Variants in SLC2A5 observed in about 807,000 individuals in gnomAD.
SLC2A5 encodes solute carrier family 2, facilitated glucose transporter member 5.
SLC2A5 carries 56 observed loss-of-function variants against 50.3 expected under a neutral mutation model. The observed-to-expected ratio is 1.11, with a 90% CI of 0.90 to 1.39. SLC2A5 has a LOEUF of 1.39. Ranked by LOEUF, SLC2A5 falls within the 40% of genes most tolerant of loss-of-function variation. SLC2A5 has a pLI of 0.00. For missense variants in SLC2A5, 566 were observed against 650.1 expected (o/e 0.87, Z 1.41); for synonymous variants, 269 against 281.9 (o/e 0.95, Z 0.46).
Position 9,035,366 on chromosome 1 carries a change from T to C in SLC2A5, c.*2220A>G, listed in dbSNP as rs1321058307. ...CTCTGAGAGCCTTCATCTTTGGTTGTTTCTGTGCCCCTTCCAGGCTGCAGA... is the reference window on the plus strand; with the variant it reads ...CTCTGAGAGCCTTCATCTTTGGTTGCTTCTGTGCCCCTTCCAGGCTGCAGA... On this transcript the variant is annotated 3_prime_UTR_variant, in exon 12 of 12. Coordinates refer to ENST00000377424, the MANE Select transcript of SLC2A5 (RefSeq NM_003039.3). 1.3e-5 allele frequency: 2 copies of C among 152,280 alleles called. No individual in the cohort carries two copies. Among genetic ancestry groups the C allele is most frequent in the Non-Finnish European group, 2.9e-5 (2 of 68,082 alleles). 9.4% of individuals were successfully genotyped at this position (152,280 alleles called of 1,614,324 possible).
chr1:9,092,897 T>C (rs548922625), upstream of SLC2A5, among the ~76,000 whole-genome samples: 3 of 152,228 alleles, frequency 2.0e-5, no homozygotes, highest in African/African-American at 7.2e-5. Context: ...AGGTACTCAC[T>C]CCAGACACAT....
At chr1:9,051,636 C>T (rs1641580074) in intron 3 of SLC2A5, among the ~76,000 whole-genome samples, 1 of 152,130 alleles carries the variant, frequency 6.6e-6, no homozygotes, top group African/African-American at 2.4e-5. Flanking sequence ...TCTGACAACA[C>T]CAAATGCTGG....
intron 2 of SLC2A5, among the ~76,000 whole-genome samples, chr1:9,080,692 T>C (rs2124477915): frequency 6.6e-6 from 1 of 152,302 alleles, no homozygotes; most frequent in South Asian, 2.1e-4. Context: ...CCACAGAAAA[T>C]GAGACCAGGC....
chr1:9,087,645 G>C (rs1642416707), intron 1 of SLC2A5, among the ~76,000 whole-genome samples: 2 of 152,116 alleles, frequency 1.3e-5, no homozygotes, highest in South Asian at 4.1e-4. Flanking sequence ...AGAGCCTCTG[G>C]ACAGCCGCCC....
rs951133650 is a variant in SLC2A5 at position 9,040,209 on chromosome 1, C to T, written c.572-20G>A. The T allele has an allele frequency of 1.9e-6, 3 of 1,543,376 alleles. No homozygotes were observed. The highest frequency in any genetic ancestry group is 2.4e-5 in the South Asian group (2 of 83,838). On this transcript the variant is annotated intron_variant, in intron 5 of 11. Coordinates refer to ENST00000377424, the MANE Select transcript of SLC2A5 (RefSeq NM_003039.3). This position sits in a 1 kb window ranked among gnomAD's most constrained non-coding sequence, Gnocchi z 4.3. ...GCCAGCCTGGGAGGAAGGCAGCGAG[C>T]TGGCACCAGCGGCCTCCCCACCACC...
At position 9,039,955 on chromosome 1, in the gene SLC2A5, CCA is replaced by C; in HGVS notation, c.728_729del (p.Val243GlyfsTer12). 6.2e-7 allele frequency: 1 copy of C among 1,612,710 alleles called. No individual in the cohort carries two copies. The highest frequency in any genetic ancestry group is 1.7e-4 in the Middle Eastern group (1 of 6,060). On this transcript the variant is annotated frameshift_variant, in exon 7 of 12. Coordinates refer to ENST00000377424, the MANE Select transcript of SLC2A5 (RefSeq NM_003039.3). LOFTEE classifies it high-confidence loss of function. ...TGCCGGATCTCGGCCACCTCCCTGT[CCA>C]CAGAGTCCCAGCCGCGCAGCGTCTG... ...ALQTLRGWDS[V>X]DREVAEIRQE...
upstream of SLC2A5, among the ~76,000 whole-genome samples, chr1:9,092,752 C>T (rs1036098642): frequency 6.6e-5 from 10 of 152,096 alleles, no homozygotes; most frequent in Admixed American, 1.3e-4. Context: ...TGATAATGGT[C>T]CTGAATCCAT....
At chr1:9,088,211 C>A (rs1450685394) in intron 1 of SLC2A5, among the ~76,000 whole-genome samples, 1 of 151,858 alleles carries the variant, frequency 6.6e-6, no homozygotes, top group Non-Finnish European at 1.5e-5. Flanking sequence ...CCTCTGGAAC[C>A]CCTCCTCTGA....
At chr1:9,048,985 T>C (rs928030580) in intron 3 of SLC2A5, 2 of 363,560 alleles carry the variant, frequency 5.5e-6, no homozygotes, top group African/African-American at 4.3e-5. Context: ...CTTAACAAAC[T>C]ATAAATAGAA....
intron 1 of SLC2A5, among the ~76,000 whole-genome samples, chr1:9,087,256 G>C (rs1642412344): frequency 6.6e-6 from 1 of 150,718 alleles, no homozygotes; most frequent in East Asian, 2.0e-4. Flanking sequence ...CCAGGCTGGA[G>C]TGCAGTGGTG....
chr1:9,060,792 T>C (rs1396043593), intron 1 of SLC2A5, among the ~76,000 whole-genome samples: 1 of 151,892 alleles, frequency 6.6e-6, no homozygotes, highest in Non-Finnish European at 1.5e-5. Flanking sequence ...ATTCATTCAT[T>C]CACTCGTCTA....
intron 3 of SLC2A5, among the ~76,000 whole-genome samples, chr1:9,053,203 T>TTATATTTATATATTATATATTTATATTA (rs1557670034): frequency 5.4e-5 from 4 of 74,224 alleles, no homozygotes; most frequent in Admixed American, 2.4e-4. Flanking sequence ...TATTTATATA[T>TTATATTTATATATTATATATTTATATTA]TATATTTATA....
chr1:9,088,681 G>T (rs1296067950), upstream of SLC2A5, among the ~76,000 whole-genome samples: 1 of 152,208 alleles, frequency 6.6e-6, no homozygotes, highest in Admixed American at 6.5e-5. Flanking sequence ...TACTCAGGAG[G>T]CTGAGGCAGG....
Position 9,038,163 on chromosome 1 carries a change from G to C in SLC2A5, c.1175-139C>G, listed in dbSNP as rs560723551. 107 of 1,009,210 alleles carry C rather than the reference G, an allele frequency of 1.1e-4. No homozygotes were observed. In the African/African-American group the frequency reaches 1.6e-3, roughly 15 times the overall value. The allele number at this position is 1,009,210 out of a possible 1,614,324, so 62.5% of individuals were successfully genotyped here. The stretch of plus-strand genomic sequence containing the variant: ...CTTGGGCATGTGGGGCAGCACGTAG[G>C]GGGCAAACGGCAGTGTACAGGGATG... On this transcript the variant is annotated intron_variant, in intron 10 of 11. Coordinates refer to ENST00000377424, the MANE Select transcript of SLC2A5 (RefSeq NM_003039.3).
Position 9,041,918 on chromosome 1 carries a change from G to A in SLC2A5, c.438C>T (p.Val146=), listed in dbSNP as rs1641315496. 2 of 1,609,208 alleles carry A rather than the reference G, an allele frequency of 1.2e-6. No homozygotes were observed. The highest frequency in any genetic ancestry group is 1.7e-6 in the Non-Finnish European group (2 of 1,177,864). Residue 146 remains valine (V), a synonymous_variant, in exon 5 of 12, where the codon GTC becomes GTT. Transcript: ENST00000377424. The part of the protein sequence containing the change: ...GICAGVSSNV[V]PMYLGELAPK... Reference sequence around the variant, plus strand: ...GGGCCAGCTCCCCTAAGTACATGGGGACCACGTTGGAAGATACACCTGGGA... The same window carrying A: ...GGGCCAGCTCCCCTAAGTACATGGGAACCACGTTGGAAGATACACCTGGGA...
chr1:9,037,564 T>A lies in SLC2A5; in HGVS notation c.*22A>T. On this transcript the variant is annotated 3_prime_UTR_variant, in exon 12 of 12. Coordinates refer to ENST00000377424, the MANE Select transcript of SLC2A5 (RefSeq NM_003039.3). ...AGTGGGAAGCCCCTGGCAGACCAGCTCCACTGGCTTCCTCTCCAGAGTCAC... is the reference window on the plus strand; with the variant it reads ...AGTGGGAAGCCCCTGGCAGACCAGCACCACTGGCTTCCTCTCCAGAGTCAC... The A allele has an allele frequency of 1.2e-6, 2 of 1,604,968 alleles. No homozygotes were observed. The highest frequency in any genetic ancestry group is 1.7e-6 in the Non-Finnish European group (2 of 1,172,744).
At chr1:9,078,993 TC>T (rs2124475723) in intron 2 of SLC2A5, among the ~76,000 whole-genome samples, 1 of 152,100 alleles carries the variant, frequency 6.6e-6, no homozygotes, top group East Asian at 1.9e-4. Context: ...GAGGAGTGCA[TC>T]CAGTCGGTTG....
intron 1 of SLC2A5, among the ~76,000 whole-genome samples, chr1:9,061,338 A>G (rs3004249): frequency 0.47 from 55,455 of 118,802 alleles, 13,657 homozygotes; most frequent in African/African-American, 0.6. Context: ...GATGGCAAAC[A>G]CTTGAATCCC....
chr1:9,044,774 C>T (rs1299757119), intron 4 of SLC2A5, among the ~76,000 whole-genome samples: 2 of 152,088 alleles, frequency 1.3e-5, no homozygotes, highest in South Asian at 2.1e-4. Flanking sequence ...AGGCTGGTCT[C>T]GCACTCCTGA....
Sources: gnomAD v4.1 joint callset for allele counts (sites outside exome capture counted in the v4.1 genomes callset) on GRCh38, gnomAD v4.1.1 for gene constraint, Gnocchi (gnomAD v3.1) non-coding constraint, MANE v1.5 for transcripts, NCBI Gene and HGNC (gene_info 2026-07-23, HGNC 2026-07-21) for gene names.